Variants in MSRA observed in about 807,000 individuals in gnomAD.
MSRA encodes methionine sulfoxide reductase A.
MSRA carries 54 observed loss-of-function variants against 31.3 expected under a neutral mutation model. The ratio of observed to expected loss-of-function variants is 1.73; its 90% CI spans 1.39 to 2.17. MSRA has a LOEUF of 2.17. MSRA is among the 30% of genes most tolerant of loss of function. MSRA has a pLI of 0.00. For synonymous variants in MSRA, 169 were observed against 116.5 expected (o/e 1.45, Z -2.90); for missense variants, 507 against 300.9 (o/e 1.69, Z -5.07).
chr8:10,402,467 G>C (rs1245848919), intron 5 of MSRA, among the ~76,000 whole-genome samples: 1 of 152,222 alleles, frequency 6.6e-6, no homozygotes, highest in African/African-American at 2.4e-5. Flanking sequence ...TCCCTGGAGA[G>C]GGGAGCCCTG....
chr8:10,054,385 CCCCGCGCCCGCCCG>C lies in MSRA; in HGVS notation c.-122_-109del, dbSNP rs1207805741. ...GCGGCCTCCAGCCCCGCCAGCAGCG[CCCCGCGCCCGCCCG>C]CCCGCGCCCCTGCCGCCCCCCGGTT... On this transcript the variant is annotated 5_prime_UTR_variant, in exon 1 of 6. Transcript: ENST00000317173. The C allele has an allele frequency of 2.6e-5, 20 of 774,682 alleles. 2 individuals are homozygous for C. The highest frequency in any genetic ancestry group is 2.4e-4 in the South Asian group (6 of 25,114). 48.0% of individuals were successfully genotyped at this position (774,682 alleles called of 1,614,324 possible). A position where few individuals can be genotyped will look rare whatever the true frequency, so the allele number is the denominator to read the frequency against.
At chr8:10,094,511 T>C (rs1431566432) in intron 1 of MSRA, among the ~76,000 whole-genome samples, 1 of 152,218 alleles carries the variant, frequency 6.6e-6, no homozygotes, top group Non-Finnish European at 1.5e-5. Context: ...AGTCACTGAT[T>C]TTCATAAGTG....
chr8:10,111,538 TCAGA>T (rs1800282096), intron 1 of MSRA, among the ~76,000 whole-genome samples: 1 of 152,216 alleles, frequency 6.6e-6, no homozygotes, highest in Non-Finnish European at 1.5e-5. Context: ...GGAGGGACCA[TCAGA>T]CAGGCCTTTT....
At chr8:10,213,671 C>T (rs1261362898) in intron 2 of MSRA, among the ~76,000 whole-genome samples, 1 of 151,924 alleles carries the variant, frequency 6.6e-6, no homozygotes, top group African/African-American at 2.4e-5. Context: ...CTCCTGACCT[C>T]GTGATCTGCC....
At chr8:10,313,005 A>G (rs1044932077) in intron 4 of MSRA, among the ~76,000 whole-genome samples, 11 of 152,202 alleles carry the variant, frequency 7.2e-5, no homozygotes, top group Non-Finnish European at 1.5e-4. Flanking sequence ...TGGGGGTCCT[A>G]GCTCATGCAG....
intron 3 of MSRA, among the ~76,000 whole-genome samples, chr8:10,275,484 C>T (rs1799274649): frequency 6.6e-6 from 1 of 152,186 alleles, no homozygotes; most frequent in Admixed American, 6.5e-5. Context: ...GAAATGAAAG[C>T]ACAAGAAGCA....
chr8:10,114,222 G>C (rs1800506683), intron 1 of MSRA, among the ~76,000 whole-genome samples: 1 of 152,054 alleles, frequency 6.6e-6, no homozygotes, highest in African/African-American at 2.4e-5. Context: ...ATCATCAGTT[G>C]GTGGACATTT....
At chr8:10,115,152 A>G (rs147268709) in intron 1 of MSRA, among the ~76,000 whole-genome samples, 16 of 152,372 alleles carry the variant, frequency 1.1e-4, no homozygotes, top group African/African-American at 3.8e-4. Flanking sequence ...GCTTTGGGCA[A>G]CTGGCTTACT....
intron 1 of MSRA, among the ~76,000 whole-genome samples, chr8:10,054,928 G>C (rs1056656177): frequency 6.6e-6 from 1 of 152,336 alleles, no homozygotes; most frequent in South Asian, 2.1e-4. Context: ...TCACTTACCC[G>C]GAGTGCATAC....
intron 1 of MSRA, among the ~76,000 whole-genome samples, chr8:10,173,690 C>G (rs1036232741): frequency 6.6e-6 from 1 of 152,216 alleles, no homozygotes; most frequent in Non-Finnish European, 1.5e-5. Context: ...AAGATGTTGT[C>G]TTCCAAATCC....
intron 1 of MSRA, among the ~76,000 whole-genome samples, chr8:10,153,291 A>G (rs564552745): frequency 3.3e-5 from 5 of 152,232 alleles, no homozygotes; most frequent in Admixed American, 2.6e-4. Flanking sequence ...GTGGGGAAAT[A>G]AGGAACCTGT....
intron 5 of MSRA, among the ~76,000 whole-genome samples, chr8:10,358,389 T>C (rs1804634139): frequency 6.6e-6 from 1 of 152,122 alleles, no homozygotes; most frequent in Non-Finnish European, 1.5e-5. Context: ...TATTCTCTTG[T>C]TTCCCCCCAA....
chr8:10,294,203 CTAAA>C (rs951673507), intron 3 of MSRA, among the ~76,000 whole-genome samples: 62 of 152,154 alleles, frequency 4.1e-4, no homozygotes, highest in African/African-American at 1.4e-3. Context: ...TCCTCTATCT[CTAAA>C]TAAATAAATA....
intron 1 of MSRA, among the ~76,000 whole-genome samples, chr8:10,066,115 C>T (rs541950480): frequency 2.6e-4 from 40 of 152,234 alleles, no homozygotes; most frequent in African/African-American, 6.7e-4. Flanking sequence ...CTCCGTCTCC[C>T]GGATTCAAGC....
intron 5 of MSRA, among the ~76,000 whole-genome samples, chr8:10,413,199 A>T (rs1157245675): frequency 2.0e-5 from 3 of 152,230 alleles, no homozygotes; most frequent in African/African-American, 7.2e-5. Flanking sequence ...CCGAGTGGAG[A>T]ACCGTGGGGT....
intron 1 of MSRA, among the ~76,000 whole-genome samples, chr8:10,076,043 G>A (rs369591554): frequency 3.9e-5 from 6 of 152,224 alleles, no homozygotes; most frequent in East Asian, 3.8e-4. Flanking sequence ...GGAAAGCACA[G>A]GGACTTCACG....
chr8:10,318,923 C>A (rs997374463), intron 4 of MSRA, among the ~76,000 whole-genome samples: 4 of 152,180 alleles, frequency 2.6e-5, no homozygotes, highest in African/African-American at 7.2e-5. Context: ...TCCCTGAAGG[C>A]ACCGCACTGC....
intron 1 of MSRA, among the ~76,000 whole-genome samples, chr8:10,064,244 A>G (rs1011816077): frequency 6.6e-6 from 1 of 152,154 alleles, no homozygotes; most frequent in East Asian, 1.9e-4. Context: ...ACTTTGACTC[A>G]TGATGCCAAA....
chr8:10,177,857 G>A (rs534683606), intron 1 of MSRA, among the ~76,000 whole-genome samples: 91 of 152,194 alleles, frequency 6.0e-4, no homozygotes, highest in Non-Finnish European at 1.1e-3. Flanking sequence ...AATTGAATTT[G>A]TCTATCTATA....
Sources: allele counts gnomAD v4.1 joint callset (sites outside exome capture counted in the v4.1 genomes callset), GRCh38; gene constraint gnomAD v4.1.1; transcripts MANE v1.5; gene names NCBI Gene and HGNC (gene_info 2026-07-23, HGNC 2026-07-21).